Variants in MGAT4C observed in about 807,000 individuals in gnomAD.
The protein encoded by MGAT4C is MGAT4 family member C.
A neutral mutation model predicts 40.1 loss-of-function variants in MGAT4C; 19 were observed. The observed-to-expected ratio is 0.47, with a 90% confidence interval of 0.33 to 0.70. The LOEUF is 0.70. MGAT4C is among the 30% of genes least tolerant of loss of function. MGAT4C has a pLI of 0.02. For missense variants in MGAT4C, 491 were observed against 563.2 expected (o/e 0.87, Z 1.30); for synonymous variants, 181 against 187.1 (o/e 0.97, Z 0.27).
rs1950774284 is a variant in MGAT4C, at chr12:86,218,986, C to T, written c.-57+37253G>A. Among the ~76,000 whole-genome samples the T allele has an allele frequency of 2.0e-5, 3 of 152,106 alleles. No individual in the cohort carries two copies. The South Asian group carries it at 6.2e-4, about 32-fold the overall frequency. ...ACGAAGTCAAGAGATCGAGACCATC[C>T]TGGTTAAGATGGTAAAACCCCGTCT... On this transcript the variant is annotated intron_variant, in intron 1 of 4. Coordinates refer to ENST00000611864, the MANE Select transcript of MGAT4C (RefSeq NM_001351288.2).
At chr12:86,785,059 A>G (rs942773367) in intron 1 of MGAT4C, among the ~76,000 whole-genome samples, 2 of 151,978 alleles carry the variant, frequency 1.3e-5, no homozygotes, top group Non-Finnish European at 2.9e-5. Context: ...TCTTTGTATT[A>G]TCTTCCTTTA....
intron 4 of MGAT4C, among the ~76,000 whole-genome samples, chr12:86,267,283 T>C (rs1952812567): frequency 6.6e-6 from 1 of 152,170 alleles, no homozygotes; most frequent in South Asian, 2.1e-4. Context: ...CAGATTTTGG[T>C]AGGCTGCATT....
chr12:86,825,653 T>C (rs1254696824), intron 1 of MGAT4C, among the ~76,000 whole-genome samples: 1 of 151,486 alleles, frequency 6.6e-6, no homozygotes, highest in Non-Finnish European at 1.5e-5. Context: ...TTAATTTTAC[T>C]TATCTAGGTC....
chr12:86,187,658 A>G (rs1417789844), intron 1 of MGAT4C, among the ~76,000 whole-genome samples: 2 of 151,964 alleles, frequency 1.3e-5, no homozygotes, highest in Admixed American at 6.6e-5. Context: ...AAAAGGGCCT[A>G]TAACGGGCAA....
At chr12:85,983,251 T>A (rs1884820426) in intron 4 of MGAT4C, among the ~76,000 whole-genome samples, 1 of 152,178 alleles carries the variant, frequency 6.6e-6, no homozygotes, top group Non-Finnish European at 1.5e-5. Context: ...TAAAGTAAAT[T>A]GATTTTTTTC....
At chr12:86,154,624 A>G (rs1884690662) in intron 1 of MGAT4C, among the ~76,000 whole-genome samples, 1 of 152,180 alleles carries the variant, frequency 6.6e-6, no homozygotes, top group Non-Finnish European at 1.5e-5. Flanking sequence ...TGCCCAACGG[A>G]AATGGACCTA....
intron 2 of MGAT4C, among the ~76,000 whole-genome samples, chr12:86,490,330 A>G (rs1479019847): frequency 6.6e-6 from 1 of 152,184 alleles, no homozygotes; most frequent in Non-Finnish European, 1.5e-5. Flanking sequence ...ACTAAGCTTC[A>G]TAAGTGAAGG....
chr12:86,251,004 T>C (rs1952249991), intron 1 of MGAT4C, among the ~76,000 whole-genome samples: 1 of 151,916 alleles, frequency 6.6e-6, no homozygotes, highest in Admixed American at 6.6e-5. Flanking sequence ...ATGAAAACAA[T>C]GAAAATACTA....
At chr12:85,992,069 C>G (rs1886014229) in intron 2 of MGAT4C, among the ~76,000 whole-genome samples, 1 of 152,182 alleles carries the variant, frequency 6.6e-6, no homozygotes, top group Admixed American at 6.5e-5. Context: ...GGGGGCTCAT[C>G]CAGGGTCTGC....
chr12:86,792,548 T>C (rs892535054), intron 1 of MGAT4C, among the ~76,000 whole-genome samples: 2 of 152,122 alleles, frequency 1.3e-5, no homozygotes, highest in Admixed American at 6.5e-5. Flanking sequence ...ATTCGAGTCA[T>C]TGATAGAATG....
intron 1 of MGAT4C, among the ~76,000 whole-genome samples, chr12:86,137,433 T>C (rs930557638): frequency 6.6e-6 from 1 of 152,208 alleles, no homozygotes; most frequent in African/African-American, 2.4e-5. Flanking sequence ...TAATTGTATA[T>C]ATGACTTTGT....
intron 1 of MGAT4C, among the ~76,000 whole-genome samples, chr12:86,057,005 C>T (rs138195732): frequency 1.3e-5 from 2 of 151,854 alleles, no homozygotes; most frequent in Admixed American, 1.3e-4. Context: ...TTCTGTATTT[C>T]CTTGATTTTA....
chr12:86,699,290 ATGCT>A (rs1950314542), intron 2 of MGAT4C, among the ~76,000 whole-genome samples: 1 of 152,178 alleles, frequency 6.6e-6, no homozygotes, highest in Non-Finnish European at 1.5e-5. Flanking sequence ...GAAAATCAAT[ATGCT>A]TTAGCAATAT....
chr12:85,979,792 T>C lies in MGAT4C; in HGVS notation c.934A>G (p.Met312Val). 6.2e-7 allele frequency: 1 copy of C among 1,613,736 alleles called. No individual in the cohort carries two copies. The highest frequency in any genetic ancestry group is 8.5e-7 in the Non-Finnish European group (1 of 1,179,822). Residue 312 changes from methionine (M) to valine (V), a missense_variant, in exon 5 of 5, where the codon ATG becomes GTG. Coordinates refer to ENST00000611864, the MANE Select transcript of MGAT4C (RefSeq NM_001351288.2). Reference protein sequence around the residue: ...IRFKPSLFQHMGYYSSYKGTE... With the variant: ...IRFKPSLFQHVGYYSSYKGTE... ...CCTTTGTATGATGAATAATAGCCCA[T>C]GTGCTGAAAGAGAGATGGTTTAAAA...
intron 2 of MGAT4C, among the ~76,000 whole-genome samples, chr12:86,712,229 T>A (rs1249041374): frequency 1.3e-5 from 2 of 152,240 alleles, no homozygotes; most frequent in African/African-American, 4.8e-5. Flanking sequence ...ATTTTTGGAA[T>A]GTATACATAC....
intron 3 of MGAT4C, among the ~76,000 whole-genome samples, chr12:86,379,439 T>TCTC (rs916812751): frequency 6.6e-6 from 1 of 152,138 alleles, no homozygotes; most frequent in African/African-American, 2.4e-5. Context: ...AACAGGTTTG[T>TCTC]CTCTGAAAAT....
At chr12:86,321,595 T>C (rs1170407560) in intron 4 of MGAT4C, among the ~76,000 whole-genome samples, 2 of 152,180 alleles carry the variant, frequency 1.3e-5, no homozygotes, top group African/African-American at 2.4e-5. Flanking sequence ...CCAGAAAATA[T>C]ATTTATTCAA....
At chr12:86,674,492 T>C (rs1964342275) in intron 2 of MGAT4C, among the ~76,000 whole-genome samples, 1 of 152,078 alleles carries the variant, frequency 6.6e-6, no homozygotes, top group Non-Finnish European at 1.5e-5. Flanking sequence ...GGTCGAGAGT[T>C]CGAGACCTGC....
At chr12:86,224,763 C>T (rs1951014058) in intron 1 of MGAT4C, among the ~76,000 whole-genome samples, 1 of 151,994 alleles carries the variant, frequency 6.6e-6, no homozygotes, top group Admixed American at 6.6e-5. Flanking sequence ...TGATACATAC[C>T]AAAACCTGTG....
Sources: gnomAD v4.1 joint callset for allele counts (sites outside exome capture counted in the v4.1 genomes callset) on GRCh38, gnomAD v4.1.1 for gene constraint, MANE v1.5 for transcripts, NCBI Gene and HGNC (gene_info 2026-07-23, HGNC 2026-07-21) for gene names.